Variants in MCF2L2 observed in about 807,000 individuals in gnomAD.
MCF2L2 encodes probable guanine nucleotide exchange factor MCF2L2.
Under a neutral mutation model 150.2 loss-of-function variants are expected in MCF2L2, and 102 were observed. The ratio of observed to expected loss-of-function variants is 0.68; its 90% CI spans 0.58 to 0.80. The LOEUF is 0.80. MCF2L2 is among the 30% of genes least tolerant of loss of function. The pLI, the probability that MCF2L2 is intolerant of heterozygous loss-of-function variation, is 0.00. For missense variants in MCF2L2, 1,256 were observed against 1,372.8 expected (o/e 0.91, Z 1.34); for synonymous variants, 465 against 491.3 (o/e 0.95, Z 0.71).
chr3:183,325,888 T>C (rs963845220), intron 5 of MCF2L2, among the ~76,000 whole-genome samples: 1 of 152,212 alleles, frequency 6.6e-6, no homozygotes, highest in African/African-American at 2.4e-5. Flanking sequence ...GAGTTAATAC[T>C]GTTAAGTATT....
chr3:183,206,914 A>AAAGGAAGGAAGG (rs199935132), intron 23 of MCF2L2, among the ~76,000 whole-genome samples: 2 of 123,452 alleles, frequency 1.6e-5, no homozygotes, highest in African/African-American at 6.2e-5. Context: ...AGAAAGAAAG[A>AAAGGAAGGAAGG]AAGGAAGGAA....
intron 15 of MCF2L2, among the ~76,000 whole-genome samples, chr3:183,276,153 C>A (rs1228558259): frequency 6.6e-6 from 1 of 152,112 alleles, no homozygotes; most frequent in East Asian, 1.9e-4. Context: ...TCAGTAAGAG[C>A]CCACATGTTT....
At chr3:183,238,720 G>A (rs570559689) in intron 15 of MCF2L2, among the ~76,000 whole-genome samples, 22 of 151,568 alleles carry the variant, frequency 1.5e-4, no homozygotes, top group East Asian at 9.8e-4. Flanking sequence ...ACTCTCGGCC[G>A]GGCGCGGTGG....
In MCF2L2 at chr3:183,193,097, C is replaced by A; in HGVS notation, c.2919-1G>T. 1 of 1,612,824 alleles carries A rather than the reference C, an allele frequency of 6.2e-7. No individual in the cohort carries two copies. Among genetic ancestry groups the A allele is most frequent in the East Asian group, 2.2e-5 (1 of 44,862 alleles). ...TCCGGATCCTGCTCCACTGCCTTTGCTTTAGAGAAATAAACATGAATATTG... is the reference window on the plus strand; with the variant it reads ...TCCGGATCCTGCTCCACTGCCTTTGATTTAGAGAAATAAACATGAATATTG... On this transcript the variant is annotated splice_acceptor_variant, in intron 26 of 29. Coordinates refer to ENST00000328913, the MANE Select transcript of MCF2L2 (RefSeq NM_015078.4). LOFTEE classifies it high-confidence loss of function.
chr3:183,275,763 C>A (rs933469894), intron 15 of MCF2L2, among the ~76,000 whole-genome samples: 3 of 152,090 alleles, frequency 2.0e-5, no homozygotes, highest in Admixed American at 6.5e-5. Flanking sequence ...ACAGGTGCAC[C>A]CCACCACATC....
At chr3:183,333,584 T>G (rs1730352204) in intron 5 of MCF2L2, among the ~76,000 whole-genome samples, 1 of 152,214 alleles carries the variant, frequency 6.6e-6, no homozygotes, top group African/African-American at 2.4e-5. Flanking sequence ...ATAGCCCTCT[T>G]ATTTTATCCA....
At chr3:183,400,456 G>A in intron 1 of MCF2L2, 1 of 456,524 alleles carries the variant, frequency 2.2e-6, no homozygotes, top group Non-Finnish European at 4.4e-6. Context: ...GAGTATCTAG[G>A]ATCTTGCTGC....
intron 15 of MCF2L2, among the ~76,000 whole-genome samples, chr3:183,268,685 A>G (rs1726400311): frequency 6.6e-6 from 1 of 152,152 alleles, no homozygotes; most frequent in Non-Finnish European, 1.5e-5. Flanking sequence ...TTTGTCATGT[A>G]TATTCCCATT....
chr3:183,368,525 A>G (rs1712672801), intron 3 of MCF2L2, among the ~76,000 whole-genome samples: 1 of 152,152 alleles, frequency 6.6e-6, no homozygotes, highest in Non-Finnish European at 1.5e-5. Flanking sequence ...GCACTTTGGG[A>G]GGCCGAGGCG....
intron 2 of MCF2L2, 66 bp downstream of exon 2, chr3:183,389,630 A>G (rs1714028183): frequency 7.4e-7 from 1 of 1,342,712 alleles, no homozygotes; most frequent in Admixed American, 1.7e-5. Context: ...AAGGTTCAAG[A>G]GGCTGGACCT....
chr3:183,330,347 T>C (rs1464091710), intron 5 of MCF2L2, among the ~76,000 whole-genome samples: 1 of 152,058 alleles, frequency 6.6e-6, no homozygotes, highest in Non-Finnish European at 1.5e-5. Flanking sequence ...TAGAGTTTTA[T>C]AATTTTATGG....
chr3:183,330,210 A>T lies in MCF2L2; in HGVS notation c.487-6859T>A, dbSNP rs955436862. On this transcript the variant is annotated intron_variant, in intron 5 of 29. Transcript: ENST00000328913. ...CACTGAGCCATGATCACACCACTGCACTCCTGCCCAGGTGACAGAGCAAGA... is the reference window on the plus strand; with the variant it reads ...CACTGAGCCATGATCACACCACTGCTCTCCTGCCCAGGTGACAGAGCAAGA... Among the ~76,000 whole-genome samples, 38 of 141,372 alleles carry T rather than the reference A, an allele frequency of 2.7e-4. 1 individual carries two copies. Among genetic ancestry groups the T allele is most frequent in the Non-Finnish European group, 1.5e-5 (1 of 66,546 alleles). The allele number at this position is 141,372 out of a possible 152,430, so 92.7% of individuals were successfully genotyped here. A position where few individuals can be genotyped will look rare whatever the true frequency, so the allele number is the denominator to read the frequency against.
intron 3 of MCF2L2, chr3:183,374,739 G>T (rs1003497658): frequency 9.9e-5 from 15 of 151,844 alleles, no homozygotes; most frequent in Non-Finnish European, 4.4e-5. Flanking sequence ...AGACCACCTA[G>T]CTAGTGAGCA....
chr3:183,404,871 A>G (rs1714962026), intron 1 of MCF2L2, among the ~76,000 whole-genome samples: 1 of 152,096 alleles, frequency 6.6e-6, no homozygotes, highest in South Asian at 2.1e-4. Context: ...TCAAAAACAG[A>G]AAGAAAAAAA....
At chr3:183,206,530 C>T (rs1052658820) in intron 23 of MCF2L2, among the ~76,000 whole-genome samples, 2 of 152,134 alleles carry the variant, frequency 1.3e-5, no homozygotes, top group East Asian at 1.9e-4. Context: ...CAACTTTCTA[C>T]GTAATAGTAA....
intron 22 of MCF2L2, among the ~76,000 whole-genome samples, chr3:183,210,745 C>A (rs1722664724): frequency 3.3e-5 from 5 of 152,052 alleles, no homozygotes; most frequent in Admixed American, 3.3e-4. Context: ...AGGAAACAGC[C>A]CCAACCAGAA....
At chr3:183,316,654 T>C (rs12630416) in intron 7 of MCF2L2, among the ~76,000 whole-genome samples, 12,693 of 151,432 alleles carry the variant, frequency 0.084, 751 homozygotes, top group African/African-American at 0.16. Context: ...CCATTCCAGA[T>C]ATTTTGATTA....
intron 25 of MCF2L2, among the ~76,000 whole-genome samples, chr3:183,199,610 AT>A (rs1285960178): frequency 1.8e-4 from 26 of 147,914 alleles, no homozygotes; most frequent in East Asian, 3.9e-4. Flanking sequence ...GAATATCGAA[AT>A]TTTTTTTTCC....
chr3:183,215,624 C>A (rs1011654879), intron 22 of MCF2L2, among the ~76,000 whole-genome samples: 5 of 152,164 alleles, frequency 3.3e-5, no homozygotes, highest in Non-Finnish European at 7.4e-5. Flanking sequence ...AACAAGAAGA[C>A]AAATCTTTTA....
Sources: allele counts gnomAD v4.1 joint callset (sites outside exome capture counted in the v4.1 genomes callset), GRCh38; gene constraint gnomAD v4.1.1; transcripts MANE v1.5; gene names NCBI Gene and HGNC (gene_info 2026-07-23, HGNC 2026-07-21).